Variants in CCDC183 observed in about 807,000 individuals in gnomAD.
CCDC183 encodes coiled-coil domain-containing protein 183.
Under a neutral mutation model 65.2 loss-of-function variants are expected in CCDC183, and 63 were observed. The observed-to-expected ratio is 0.97, with a 90% CI of 0.79 to 1.19. CCDC183 has a LOEUF of 1.19. Ranked by LOEUF, CCDC183 falls within the 50% of genes most tolerant of loss-of-function variation. CCDC183 has a pLI of 0.00. For missense variants in CCDC183, 769 were observed against 689.3 expected (o/e 1.12, Z -1.30); for synonymous variants, 323 against 276.5 (o/e 1.17, Z -1.67).
chr9:136,804,840 C>A lies in CCDC183; in HGVS notation c.847+24C>A, dbSNP rs755261114. 2.5e-6 allele frequency: 4 copies of A among 1,607,356 alleles called. No homozygotes were observed. The highest frequency in any genetic ancestry group is 3.4e-6 in the Non-Finnish European group (4 of 1,174,392). On this transcript the variant is annotated intron_variant, in intron 8 of 13. Transcript: ENST00000338005. This position sits in a 1 kb window ranked among gnomAD's most constrained non-coding sequence, Gnocchi z 4.1. ...ATGTAAGCGCTCAGCTCCCCACCTG[C>A]CCCCAGCCAGGGTCCCAAGGAGAGG...
chr9:136,804,656 T>C lies in CCDC183; in HGVS notation c.792+29T>C. 1.2e-6 allele frequency: 2 copies of C among 1,613,152 alleles called. No homozygotes were observed. The highest frequency in any genetic ancestry group is 1.1e-5 in the South Asian group (1 of 91,056). ...AGCCCCAGGCCAGGGCCTGGCTGGC[T>C]GCCCATCCCCATGACAGCTGGGTGG... On this transcript the variant is annotated intron_variant, in intron 7 of 13. Coordinates refer to ENST00000338005, the MANE Select transcript of CCDC183 (RefSeq NM_001039374.5). This position sits in a 1 kb window ranked among gnomAD's most constrained non-coding sequence, Gnocchi z 4.1.
intron 1 of CCDC183, among the ~76,000 whole-genome samples, chr9:136,798,340 C>T (rs1209475271): frequency 1.3e-5 from 2 of 148,496 alleles, no homozygotes; most frequent in Admixed American, 6.8e-5. Flanking sequence ...CTCATTCTGT[C>T]GTCCAGGTGG....
intron 5 of CCDC183, among the ~76,000 whole-genome samples, chr9:136,801,791 TTTG>T (rs1029866997): frequency 6.6e-6 from 1 of 150,904 alleles, no homozygotes; most frequent in Non-Finnish European, 1.5e-5. Context: ...TTTGTTTTTG[TTTG>T]TTTTGTTTTT....
chr9:136,804,031 C>T lies in CCDC183; in HGVS notation c.667-471C>T, dbSNP rs118091220. ...GTGGAGAAGGGGTGGCCAGGAGCAACGGAGCTGAGAACTCCTCAAGAGGCA... is the reference window on the plus strand; with the variant it reads ...GTGGAGAAGGGGTGGCCAGGAGCAATGGAGCTGAGAACTCCTCAAGAGGCA... On this transcript the variant is annotated intron_variant, in intron 6 of 13. Transcript: ENST00000338005. The surrounding 1 kb of genome is among the most constrained non-coding windows in gnomAD (Gnocchi z 4.1). 1.9e-4 allele frequency: 33 copies of T among 169,502 alleles called. No homozygotes were observed. In the East Asian group the frequency reaches 4.5e-3, roughly 23 times the overall value. The allele number at this position is 169,502 out of a possible 1,614,324, so 10.5% of individuals were successfully genotyped here. A position where few individuals can be genotyped will look rare whatever the true frequency, so the allele number is the denominator to read the frequency against.
chr9:136,798,299 G>A (rs972957287), intron 1 of CCDC183, among the ~76,000 whole-genome samples: 3 of 130,666 alleles, frequency 2.3e-5, no homozygotes, highest in Admixed American at 7.9e-5. Flanking sequence ...AGCCACCGGC[G>A]CCTAGCTTAT....
chr9:136,807,327 C>A (rs1847877998), intron 13 of CCDC183: 2 of 653,134 alleles, frequency 3.1e-6, no homozygotes, highest in Admixed American at 5.9e-5. Context: ...GGCACCAGGG[C>A]TGGAGCAGGG....
intron 1 of CCDC183, among the ~76,000 whole-genome samples, chr9:136,797,329 T>C (rs1847662700): frequency 6.6e-6 from 1 of 152,046 alleles, no homozygotes; most frequent in Non-Finnish European, 1.5e-5. Flanking sequence ...ATAGTAAAAA[T>C]AATGATCAGT....
rs1248107748 is a variant in CCDC183, at chr9:136,806,609, C to T, written c.1215C>T (p.Thr405=). The T allele has an allele frequency of 6.8e-6, 11 of 1,613,780 alleles. No individual in the cohort carries two copies. Among genetic ancestry groups the T allele is most frequent in the Admixed American group, 1.7e-5 (1 of 60,030 alleles). ...NMTKGQELLL[T]IQMGIDNLYV... is the part of the protein sequence containing the mutation. Reference sequence around the variant, plus strand: ...CCAAGGGCCAGGAGCTGCTGCTGACCATCCAGATGGGCATCGACAACCTCT... The same window carrying T: ...CCAAGGGCCAGGAGCTGCTGCTGACTATCCAGATGGGCATCGACAACCTCT... The change falls in exon 11 of 14, where the codon ACC becomes ACT. Residue 405 remains threonine (T), a synonymous_variant. Transcript: ENST00000338005.
intron 8 of CCDC183, 72 bp from the exon 9 acceptor site, chr9:136,805,285 T>C: frequency 2.4e-6 from 3 of 1,258,244 alleles, no homozygotes; most frequent in Non-Finnish European, 3.4e-6. Context: ...GGTACAGAGG[T>C]GTCTGACAGC....
chr9:136,805,220 G>A (rs1301645323), intron 8 of CCDC183, 137 bp from the exon 9 acceptor site: 7 of 681,652 alleles, frequency 1.0e-5, no homozygotes, highest in Admixed American at 1.0e-4. Flanking sequence ...TGGGGCGGGG[G>A]CAGGCATCTC....
At chr9:136,805,645 C>G in intron 9 of CCDC183, 188 bp downstream of exon 9, 1 of 591,956 alleles carries the variant, frequency 1.7e-6, no homozygotes, top group South Asian at 2.0e-5. Flanking sequence ...TATCTTAATC[C>G]CATCTGTGTA....
rs200396476 is a variant in CCDC183, at chr9:136,802,761, C to A, written c.641C>A (p.Ala214Asp). 5.6e-6 allele frequency: 9 copies of A among 1,612,784 alleles called. No homozygotes were observed. In the East Asian group the frequency reaches 2.0e-4, roughly 36 times the overall value. ...GATATGAAGATCATGTCCCAAGATG[C>A]CATGATGATCACGGATGAGGTCAAG... Reference protein sequence around the residue: ...LSDMKIMSQDAMMITDEVKRN... With the variant: ...LSDMKIMSQDDMMITDEVKRN... Residue 214 changes from alanine to aspartate, a missense_variant, in exon 6 of 14, where the codon GCC becomes GAC. Physicochemically the swap from Ala to Asp is moderately radical, Grantham distance 126 (BLOSUM62 -2). Transcript: ENST00000338005.
rs770578703 is a variant in CCDC183, at chr9:136,806,862, G to A, written c.1384G>A (p.Glu462Lys). The change falls in exon 12 of 14, where the codon GAG (glutamate) becomes AAG (lysine). Residue 462 changes from glutamate (E) to lysine (K), a missense_variant. By Grantham distance (56) the Glu-to-Lys change is moderately conservative. Coordinates refer to ENST00000338005, the MANE Select transcript of CCDC183 (RefSeq NM_001039374.5). ...CAGAGTGCAGATGGTGTCCAGGACC[G>A]AGGAGGTAGCCCCGGGCTGGGAGGA... ...ADRVQMVSRT[E>K]EGDTKVRDTL... 2 of 1,613,416 alleles carry A rather than the reference G, an allele frequency of 1.2e-6. No individual in the cohort carries two copies. Among genetic ancestry groups the A allele is most frequent in the East Asian group, 2.2e-5 (1 of 44,856 alleles).
In CCDC183 at chr9:136,800,581, C is replaced by T. The variant is rs552314918; in HGVS notation, c.543+88C>T. The T allele has an allele frequency of 4.8e-5, 47 of 972,308 alleles. No homozygotes were observed. The African/African-American group carries it at 7.2e-4, about 15-fold the overall frequency. The allele number at this position is 972,308 out of a possible 1,614,324, so 60.2% of individuals were successfully genotyped here. A position where few individuals can be genotyped will look rare whatever the true frequency, so the allele number is the denominator to read the frequency against. ...TCCTGGGGCGGAGCCGCCCCGCACC[C>T]GCCAGGGAGAGGGAGCTCTGCCTGA... On this transcript the variant is annotated intron_variant, in intron 5 of 13. Transcript: ENST00000338005.
In CCDC183 at chr9:136,800,080, C is replaced by A; in HGVS notation, c.349C>A (p.Arg117Ser). ...CCTACTGATCCACCTGGTGCGGCGG[C>A]GCGGGCAGAAGCTGGAGAGCATGCA... is the stretch of plus-strand genomic sequence containing the variant. ...HNLLIHLVRR[R>S]GQKLESMQLE... The change falls in exon 4 of 14, where the codon CGC becomes AGC. Residue 117 changes from arginine to serine, a missense_variant. By Grantham distance (110) the Arg-to-Ser change is moderately radical. Coordinates refer to ENST00000338005, the MANE Select transcript of CCDC183 (RefSeq NM_001039374.5). 1 of 1,572,198 alleles carries A rather than the reference C, an allele frequency of 6.4e-7. No individual in the cohort carries two copies.
chr9:136,805,996 C>T (rs1480233172), intron 9 of CCDC183, 82 bp from the exon 10 acceptor site: 1 of 1,160,502 alleles, frequency 8.6e-7, no homozygotes, highest in Non-Finnish European at 1.2e-6. Context: ...CTAGGAGGGG[C>T]CCAGAAGAAA....
Position 136,804,561 on chromosome 9 carries a change from G to A in CCDC183, c.726G>A (p.Arg242=), listed in dbSNP as rs370646442. The change falls in exon 7 of 14, where the codon CGG becomes CGA. Residue 242 remains arginine (R), a synonymous_variant. Transcript: ENST00000338005. This position sits in a 1 kb window ranked among gnomAD's most constrained non-coding sequence, Gnocchi z 4.1. ...AGGAGCGCCGGGCAAGGGAGAACCG[G>A]CTCAACCAGCAGAAGAAGCTGATCG... The part of the protein sequence containing the change: ...FIEERRAREN[R]LNQQKKLIDK... 2 of 1,613,498 alleles carry A rather than the reference G, an allele frequency of 1.2e-6. No individual in the cohort carries two copies. Among genetic ancestry groups the A allele is most frequent in the African/African-American group, 1.3e-5 (1 of 74,918 alleles).
In CCDC183 at chr9:136,807,624, G is replaced by A. The variant is rs945191271; in HGVS notation, c.1539G>A (p.Glu513=). ...ACAGCTACGTCCCTTCGCGCGCCGA[G>A]ATCAAGAGGCAGGCGCAGCGGCTAA... is the stretch of plus-strand genomic sequence containing the variant. ...MDHSYVPSRA[E]IKRQAQRLIE... The change falls in exon 14 of 14, where the codon GAG becomes GAA. Residue 513 remains glutamate, a synonymous_variant. Transcript: ENST00000338005. 13 of 1,605,792 alleles carry A rather than the reference G, an allele frequency of 8.1e-6. No homozygotes were observed. Among genetic ancestry groups the A allele is most frequent in the Non-Finnish European group, 9.3e-6 (11 of 1,176,646 alleles).
At position 136,799,736 on chromosome 9, in the gene CCDC183, G is replaced by C. The variant is rs773288498; in HGVS notation, c.216G>C (p.Lys72Asn). Residue 72 changes from lysine to asparagine, a missense_variant, in exon 3 of 14, where the codon AAG (lysine) becomes AAC (asparagine). Coordinates refer to ENST00000338005, the MANE Select transcript of CCDC183 (RefSeq NM_001039374.5). ...AGTATGACCAGTGGACCATCTCCAA[G>C]GCCTGCGGGAAAAACTTGCCTTTGC... ...AKKYDQWTIS[K>N]ACGKNLPLRL... 6.2e-7 allele frequency: 1 copy of C among 1,613,146 alleles called. No individual in the cohort carries two copies.
Sources: gnomAD v4.1 joint callset for allele counts (sites outside exome capture counted in the v4.1 genomes callset) on GRCh38, gnomAD v4.1.1 for gene constraint, Gnocchi (gnomAD v3.1) non-coding constraint, MANE v1.5 for transcripts, NCBI Gene and HGNC (gene_info 2026-07-23, HGNC 2026-07-21) for gene names.